The following GRM7 variants were observed in gnomAD, a reference collection of about 807,000 sequenced individuals.
GRM7 encodes metabotropic glutamate receptor 7.
In GRM7, 35 loss-of-function variants were observed where a neutral mutation model predicts 84.5. That is an observed-to-expected ratio of 0.41 (90% CI 0.32 to 0.55). The LOEUF (loss-of-function observed/expected upper bound fraction) is 0.55, where lower values mean the gene tolerates loss of function less well. Among genes scored for constraint, GRM7 ranks in the 20% least tolerant of loss-of-function variants. The pLI is 0.19. For synonymous variants in GRM7, 487 were observed against 455.1 expected (o/e 1.07, Z -0.89); for missense variants, 1,003 against 1,194.6 (o/e 0.84, Z 2.36).
At chr3:7,729,467 G>A (rs1575676882) in intron 9 of GRM7, among the ~76,000 whole-genome samples, 1 of 152,198 alleles carries the variant, frequency 6.6e-6, no homozygotes, top group East Asian at 1.9e-4. Context: ...ATGTGTTAGA[G>A]ACGCTTTTTA....
chr3:7,447,871 A>G (rs1480607095), intron 5 of GRM7, among the ~76,000 whole-genome samples: 1 of 150,504 alleles, frequency 6.6e-6, no homozygotes, highest in African/African-American at 2.4e-5. Context: ...TTAGCATTAC[A>G]TATATCTCCT....
At chr3:7,305,712 A>G (rs1018974197) in intron 3 of GRM7, among the ~76,000 whole-genome samples, 1 of 151,876 alleles carries the variant, frequency 6.6e-6, no homozygotes, top group Admixed American at 6.6e-5. Context: ...CTTATTCACA[A>G]TCTTTGACCC....
At chr3:7,656,541 G>GTGCACACA (rs1553632719) in intron 8 of GRM7, among the ~76,000 whole-genome samples, 5 of 58,278 alleles carry the variant, frequency 8.6e-5, no homozygotes, top group Non-Finnish European at 1.6e-4. Flanking sequence ...ATATATATAC[G>GTGCACACA]CGCGCGCACA....
In GRM7 at chr3:7,217,154, G is replaced by C. The variant is rs923990410; in HGVS notation, c.736+70486G>C. ...AAAAAGGAGCTAATTTGAAAGAGGA[G>C]TGAGGGATTAGGATGCCCAGATTCA... is the stretch of plus-strand genomic sequence containing the variant. On this transcript the variant is annotated intron_variant, in intron 2 of 9. Coordinates refer to ENST00000357716, the MANE Select transcript of GRM7 (RefSeq NM_000844.4). 5.9e-5 allele frequency among the ~76,000 whole-genome samples: 9 copies of C among 152,172 alleles called. No individual in the cohort carries two copies. The East Asian group carries it at 1.7e-3, about 29-fold the overall frequency.
chr3:7,293,463 T>C (rs893844972), intron 2 of GRM7, among the ~76,000 whole-genome samples: 1 of 152,176 alleles, frequency 6.6e-6, no homozygotes, highest in African/African-American at 2.4e-5. Context: ...ACATTCTCAG[T>C]GAAAGCTGAG....
intron 8 of GRM7, among the ~76,000 whole-genome samples, chr3:7,656,123 T>C (rs4414838): frequency 0.69 from 104,538 of 152,042 alleles, 36,698 homozygotes; most frequent in African/African-American, 0.8. Context: ...TGCATGGGTA[T>C]GTATCTTTAC....
intron 7 of GRM7, among the ~76,000 whole-genome samples, chr3:7,526,538 T>C (rs1008088247): frequency 2.0e-5 from 3 of 151,842 alleles, no homozygotes; most frequent in Non-Finnish European, 2.9e-5. Context: ...GTTTAATTAG[T>C]TCTTAACTGT....
chr3:7,234,103 G>T (rs1235347460), intron 2 of GRM7, among the ~76,000 whole-genome samples: 1 of 151,970 alleles, frequency 6.6e-6, no homozygotes, highest in East Asian at 1.9e-4. Context: ...ACCAAAAAAG[G>T]AATGCTCAAG....
chr3:7,495,251 A>C (rs1177666800), intron 7 of GRM7, among the ~76,000 whole-genome samples: 1 of 152,086 alleles, frequency 6.6e-6, no homozygotes, highest in Non-Finnish European at 1.5e-5. Context: ...CCAAGAGAGG[A>C]GAAGAGCAGT....
chr3:7,108,066 C>T (rs973325160), intron 1 of GRM7, among the ~76,000 whole-genome samples: 1 of 151,976 alleles, frequency 6.6e-6, no homozygotes, highest in Non-Finnish European at 1.5e-5. Flanking sequence ...TTCACTGTAC[C>T]AAGCAATGGG....
rs116045106 is a variant in GRM7 at position 7,340,580 on chromosome 3, G to T, written c.1033+33928G>T. On this transcript the variant is annotated intron_variant, in intron 4 of 9. Transcript: ENST00000357716. The stretch of plus-strand genomic sequence containing the variant: ...GGATTACAATTCAAGATGAGATTTG[G>T]GTGAAGACATGACGCCTAACCATAT... 7.2e-3 allele frequency among the ~76,000 whole-genome samples: 1,095 copies of T among 152,140 alleles called. 19 individuals carry two copies. Among genetic ancestry groups the T allele is most frequent in the African/African-American group, 0.025 (1,035 of 41,534 alleles).
chr3:7,718,554 G>T (rs1262607779), intron 9 of GRM7, among the ~76,000 whole-genome samples: 5 of 152,130 alleles, frequency 3.3e-5, no homozygotes, highest in African/African-American at 1.2e-4. Context: ...TATTCACTTA[G>T]ATAGCAGGGA....
intron 8 of GRM7, among the ~76,000 whole-genome samples, chr3:7,634,449 T>G (rs1262941795): frequency 7.8e-6 from 1 of 129,032 alleles, no homozygotes; most frequent in Non-Finnish European, 1.5e-5. Context: ...AAGGGTTGAA[T>G]GATGGAAATC....
intron 5 of GRM7, among the ~76,000 whole-genome samples, chr3:7,447,892 CT>C (rs1697588954): frequency 9.8e-6 from 1 of 102,242 alleles, no homozygotes; most frequent in Non-Finnish European, 1.9e-5. Flanking sequence ...AATGCTATCC[CT>C]CCCCCCTCCC....
intron 1 of GRM7, among the ~76,000 whole-genome samples, chr3:6,927,045 G>A (rs561463443): frequency 6.6e-6 from 1 of 152,270 alleles, no homozygotes; most frequent in African/African-American, 2.4e-5. Context: ...TTTGACCACT[G>A]TATATGTAGA....
At chr3:6,931,076 T>C (rs1314295499) in intron 1 of GRM7, among the ~76,000 whole-genome samples, 1 of 152,206 alleles carries the variant, frequency 6.6e-6, no homozygotes, top group African/African-American at 2.4e-5. Flanking sequence ...TTGTTCACTT[T>C]ATATTAGCTG....
intron 9 of GRM7, among the ~76,000 whole-genome samples, chr3:7,720,729 T>C (rs926533461): frequency 6.6e-6 from 1 of 152,220 alleles, no homozygotes; most frequent in African/African-American, 2.4e-5. Context: ...TGAGCAACAA[T>C]GATGTTGTCC....
intron 7 of GRM7, among the ~76,000 whole-genome samples, chr3:7,545,181 T>G (rs77375676): frequency 8.2e-4 from 125 of 152,370 alleles, no homozygotes; most frequent in African/African-American, 2.7e-3. Flanking sequence ...CTTCTGAAAC[T>G]TGTCAAAACC....
chr3:7,606,108 A>G (rs1364396229), intron 8 of GRM7, among the ~76,000 whole-genome samples: 1 of 152,194 alleles, frequency 6.6e-6, no homozygotes, highest in Non-Finnish European at 1.5e-5. Flanking sequence ...AACTTCCCCT[A>G]AGGAATATAA....
Sources: allele counts gnomAD v4.1 joint callset (sites outside exome capture counted in the v4.1 genomes callset), GRCh38; gene constraint gnomAD v4.1.1; transcripts MANE v1.5; gene names NCBI Gene and HGNC (gene_info 2026-07-23, HGNC 2026-07-21).